The following NTN4 variants were observed in gnomAD, a reference collection of about 807,000 sequenced individuals.
NTN4 encodes netrin 4.
Under a neutral mutation model 73.6 loss-of-function variants are expected in NTN4, and 32 were observed. The observed-to-expected ratio is 0.44, with a 90% CI of 0.33 to 0.58. The LOEUF is 0.58. Among genes scored for constraint, NTN4 ranks in the 20% least tolerant of loss-of-function variants. NTN4 has a pLI of 0.04. For missense variants in NTN4, 654 were observed against 798.3 expected (o/e 0.82, Z 2.18); for synonymous variants, 258 against 287.5 (o/e 0.90, Z 1.04).
At chr12:95,688,778 AG>A (rs1425632349) in intron 5 of NTN4, among the ~76,000 whole-genome samples, 1 of 130,984 alleles carries the variant, frequency 7.6e-6, no homozygotes, top group Non-Finnish European at 1.6e-5. Context: ...GAGAAGGAGG[AG>A]AAAAAAAAAA....
rs867386148 is a variant in NTN4, at chr12:95,724,087, G to A, written c.865-10749C>T. On this transcript the variant is annotated intron_variant, in intron 3 of 9. Coordinates refer to ENST00000343702, the MANE Select transcript of NTN4 (RefSeq NM_021229.4). Reference sequence around the variant, plus strand: ...TAAAAATGGAATTTTAACATGTTTCGTATAGTGGGGTTGGAATGCCTCATA... The same window carrying A: ...TAAAAATGGAATTTTAACATGTTTCATATAGTGGGGTTGGAATGCCTCATA... 4.6e-5 allele frequency among the ~76,000 whole-genome samples: 7 copies of A among 151,850 alleles called. No homozygotes were observed. The East Asian group carries it at 7.7e-4, about 17-fold the overall frequency.
intron 2 of NTN4, among the ~76,000 whole-genome samples, chr12:95,761,660 G>A (rs1362693509): frequency 6.6e-6 from 1 of 152,050 alleles, no homozygotes; most frequent in Non-Finnish European, 1.5e-5. Flanking sequence ...TAAGTAAAGT[G>A]CGTCAAAAGA....
chr12:95,752,865 C>T (rs2078920416), intron 2 of NTN4, among the ~76,000 whole-genome samples: 1 of 152,164 alleles, frequency 6.6e-6, no homozygotes, highest in African/African-American at 2.4e-5. Context: ...ACAAACTATG[C>T]TCAACTCACT....
At chr12:95,683,838 C>A in intron 5 of NTN4, 127 bp from the exon 6 acceptor site, 2 of 658,180 alleles carry the variant, frequency 3.0e-6, no homozygotes, top group Non-Finnish European at 5.4e-6. Flanking sequence ...CTTCTTTAGC[C>A]AGTGAGTGTA....
At chr12:95,770,288 C>T (rs2079048487) in intron 2 of NTN4, among the ~76,000 whole-genome samples, 6 of 152,166 alleles carry the variant, frequency 3.9e-5, no homozygotes. Flanking sequence ...ACTACACTCC[C>T]CTCCTTCAAG....
intron 5 of NTN4, among the ~76,000 whole-genome samples, chr12:95,710,179 G>A (rs2078553623): frequency 6.6e-6 from 1 of 152,044 alleles, no homozygotes; most frequent in Non-Finnish European, 1.5e-5. Flanking sequence ...TAGTCATCCT[G>A]TTTACCAAAA....
rs1320787017 is a variant in NTN4, at chr12:95,781,798, T to C, written c.585+5141A>G. On this transcript the variant is annotated intron_variant, in intron 2 of 9. Coordinates refer to ENST00000343702, the MANE Select transcript of NTN4 (RefSeq NM_021229.4). This position sits in a 1 kb window ranked among gnomAD's most constrained non-coding sequence, Gnocchi z 4.1. ...TGCCAGCATTCCCCATCCCCTCCCC[T>C]GTTTTGTTTTCTCTCCTTAGTATTT... is the stretch of plus-strand genomic sequence containing the variant. Among the ~76,000 whole-genome samples, 1 of 152,014 alleles carries C rather than the reference T, an allele frequency of 6.6e-6. No homozygotes were observed. Among genetic ancestry groups the C allele is most frequent in the African/African-American group, 2.4e-5 (1 of 41,394 alleles).
chr12:95,783,016 C>T lies in NTN4; in HGVS notation c.585+3923G>A, dbSNP rs535759816. ...AGGTAATCTGAGAGTGCTTCTTTTA[C>T]ATCCTGAAAAAGCCTAATTAACCTA... On this transcript the variant is annotated intron_variant, in intron 2 of 9. Coordinates refer to ENST00000343702, the MANE Select transcript of NTN4 (RefSeq NM_021229.4). 1.5e-3 allele frequency among the ~76,000 whole-genome samples: 222 copies of T among 152,278 alleles called. 1 individual carries two copies. The highest frequency in any genetic ancestry group is 3.7e-3 in the Admixed American group (57 of 15,294).
At position 95,781,796 on chromosome 12, in the gene NTN4, CCT is replaced by C. The variant is rs953466345; in HGVS notation, c.585+5141_585+5142del. Among the ~76,000 whole-genome samples, 15 of 152,146 alleles carry C rather than the reference CCT, an allele frequency of 9.9e-5. No individual in the cohort carries two copies. Among genetic ancestry groups the C allele is most frequent in the East Asian group, 1.9e-4 (1 of 5,182 alleles). Reference sequence around the variant, plus strand: ...CCTGCCAGCATTCCCCATCCCCTCCCCTGTTTTGTTTTCTCTCCTTAGTATTT... The same window carrying C: ...CCTGCCAGCATTCCCCATCCCCTCCCGTTTTGTTTTCTCTCCTTAGTATTT... On this transcript the variant is annotated intron_variant, in intron 2 of 9. Coordinates refer to ENST00000343702, the MANE Select transcript of NTN4 (RefSeq NM_021229.4). The surrounding 1 kb of genome is among the most constrained non-coding windows in gnomAD (Gnocchi z 4.1).
intron 7 of NTN4, among the ~76,000 whole-genome samples, chr12:95,675,055 C>A (rs1212718924): frequency 1.3e-5 from 2 of 152,158 alleles, no homozygotes; most frequent in East Asian, 3.8e-4. Context: ...AGAAGAACAC[C>A]TTTAAAAGTG....
At chr12:95,687,637 G>A (rs2078372077) in intron 5 of NTN4, among the ~76,000 whole-genome samples, 1 of 152,146 alleles carries the variant, frequency 6.6e-6, no homozygotes, top group Non-Finnish European at 1.5e-5. Context: ...CTGACGTCAA[G>A]TGATCTGCCT....
intron 5 of NTN4, among the ~76,000 whole-genome samples, chr12:95,706,818 C>T (rs11108203): frequency 0.11 from 16,470 of 151,778 alleles, 1,482 homozygotes; most frequent in East Asian, 0.56. Flanking sequence ...TTTGGGGGGG[C>T]GGGGCATGCT....
chr12:95,734,999 A>G (rs569611107), intron 3 of NTN4, among the ~76,000 whole-genome samples: 1 of 152,354 alleles, frequency 6.6e-6, no homozygotes, highest in South Asian at 2.1e-4. Context: ...AGATCGTGCC[A>G]TTGCACTCCA....
In NTN4 at chr12:95,779,959, C is replaced by T. The variant is rs1389958780; in HGVS notation, c.585+6980G>A. Among the ~76,000 whole-genome samples, 5 of 152,116 alleles carry T rather than the reference C, an allele frequency of 3.3e-5. No individual in the cohort carries two copies. The East Asian group carries it at 7.7e-4, about 23-fold the overall frequency. ...ACTGGTACCAAAACAGAGATGTAGACCAATGGAACAGAACAGAGGCCTCAG... is the reference window on the plus strand; with the variant it reads ...ACTGGTACCAAAACAGAGATGTAGATCAATGGAACAGAACAGAGGCCTCAG... On this transcript the variant is annotated intron_variant, in intron 2 of 9. Coordinates refer to ENST00000343702, the MANE Select transcript of NTN4 (RefSeq NM_021229.4).
chr12:95,690,743 G>A (rs955423930), intron 5 of NTN4, among the ~76,000 whole-genome samples: 3 of 152,006 alleles, frequency 2.0e-5, no homozygotes. Context: ...GAAACCTATA[G>A]TTACTATATC....
chr12:95,769,751 CTTTTTTT>C (rs34093723), intron 2 of NTN4, among the ~76,000 whole-genome samples: 9 of 117,102 alleles, frequency 7.7e-5, no homozygotes, highest in Non-Finnish European at 3.4e-5. Flanking sequence ...AGGTTTCAAT[CTTTTTTT>C]TTTTTTTTTT....
At chr12:95,716,312 G>A (rs188061928) in intron 3 of NTN4, among the ~76,000 whole-genome samples, 2 of 152,186 alleles carry the variant, frequency 1.3e-5, no homozygotes, top group Admixed American at 1.3e-4. Context: ...AGGGTACATG[G>A]GATTTTCCTT....
chr12:95,672,182 A>G (rs973125546), intron 7 of NTN4: 3 of 510,758 alleles, frequency 5.9e-6, no homozygotes, highest in African/African-American at 2.1e-5. Flanking sequence ...ATTGTCGAGC[A>G]CGCAGGCGCA....
chr12:95,754,319 C>A (rs567910496), intron 2 of NTN4, among the ~76,000 whole-genome samples: 1 of 52,592 alleles, frequency 1.9e-5, no homozygotes, highest in Non-Finnish European at 5.5e-5. Context: ...TAGGTTCCCA[C>A]GCCGCCCCTA....
Sources: allele counts gnomAD v4.1 joint callset (sites outside exome capture counted in the v4.1 genomes callset), GRCh38; gene constraint gnomAD v4.1.1; non-coding constraint Gnocchi (gnomAD v3.1); transcripts MANE v1.5; gene names NCBI Gene and HGNC (gene_info 2026-07-23, HGNC 2026-07-21).